The following RDH10 variants were observed in gnomAD, a reference collection of about 807,000 sequenced individuals.
RDH10 encodes retinol dehydrogenase 10 (all-trans).
A neutral mutation model predicts 30.2 loss-of-function variants in RDH10; 12 were observed. The observed-to-expected ratio is 0.40, with a 90% CI of 0.25 to 0.64. The LOEUF (loss-of-function observed/expected upper bound fraction) is 0.64. Ranked by LOEUF, RDH10 falls within the 30% of genes least tolerant of loss-of-function variation. The pLI is 0.43. For synonymous variants in RDH10, 189 were observed against 172.2 expected, an observed-to-expected ratio of 1.10 and a Z score of -0.76; for missense variants, 268 against 445.2, an observed-to-expected ratio of 0.60 and a Z score of 3.58.
At chr8:73,304,312 C>A (rs952163666) in intron 2 of RDH10, among the ~76,000 whole-genome samples, 2 of 152,302 alleles carry the variant, frequency 1.3e-5, no homozygotes, top group Admixed American at 1.3e-4. Flanking sequence ...GTCCCCAAAT[C>A]CTGACTATTT....
chr8:73,320,448 TTTG>T (rs1814746066), intron 3 of RDH10, among the ~76,000 whole-genome samples: 1 of 125,150 alleles, frequency 8.0e-6, no homozygotes, highest in African/African-American at 3.6e-5. Context: ...GTGTTTTTTT[TTTG>T]TTTTTGTTTT....
At chr8:73,295,716 C>A in intron 1 of RDH10, 138 bp downstream of exon 1, 1 of 982,596 alleles carries the variant, frequency 1.0e-6, no homozygotes, top group Non-Finnish European at 1.4e-6. Flanking sequence ...TTTTGGGAGA[C>A]GAGTGGAATT....
chr8:73,300,117 C>T (rs752011223), intron 2 of RDH10, among the ~76,000 whole-genome samples: 16 of 152,098 alleles, frequency 1.1e-4, no homozygotes, highest in Admixed American at 2.6e-4. Flanking sequence ...ATGGGAGGCT[C>T]CTGAATTCTC....
rs2130349691 is a variant in RDH10, at chr8:73,294,969, G to A, written c.-321G>A. Reference sequence around the variant, plus strand: ...AGTTCGAGTAGTCTAACTCGCGGCTGTCACCGCCACTGCAGCGGAGCCGGC... The same window carrying A: ...AGTTCGAGTAGTCTAACTCGCGGCTATCACCGCCACTGCAGCGGAGCCGGC... On this transcript the variant is annotated 5_prime_UTR_variant, in exon 1 of 6. Transcript: ENST00000240285. 2.6e-6 allele frequency: 1 copy of A among 390,698 alleles called. No individual in the cohort carries two copies. Among genetic ancestry groups the A allele is most frequent in the Admixed American group, 4.5e-5 (1 of 22,418 alleles). The allele number at this position is 390,698 out of a possible 1,614,324, so 24.2% of individuals were successfully genotyped here. A position where few individuals can be genotyped will look rare whatever the true frequency, so the allele number is the denominator to read the frequency against.
chr8:73,310,257 ATTCTAAG>A (rs1814540727), intron 2 of RDH10, among the ~76,000 whole-genome samples: 2 of 152,366 alleles, frequency 1.3e-5, no homozygotes, highest in African/African-American at 2.4e-5. Flanking sequence ...TGTTGAGTGA[ATTCTAAG>A]TTCTAACAGT....
intron 4 of RDH10, 186 bp from the exon 5 acceptor site, chr8:73,322,493 G>T: frequency 1.8e-6 from 1 of 559,222 alleles, no homozygotes; most frequent in Non-Finnish European, 3.1e-6. Context: ...TTGTTCTCCA[G>T]ACTGTGCCAA....
chr8:73,306,437 G>T (rs1442494027), intron 2 of RDH10, among the ~76,000 whole-genome samples: 1 of 152,008 alleles, frequency 6.6e-6, no homozygotes. Flanking sequence ...CACCTGTCAG[G>T]GACCATTTTC....
In RDH10 at chr8:73,295,424, C is replaced by T. The variant is rs530198288; in HGVS notation, c.135C>T (p.Gly45=). Residue 45 remains glycine (G), a synonymous_variant, in exon 1 of 6, where the codon GGC becomes GGT. Transcript: ENST00000240285. ...AGGTGTGCCTCATCACCGGCGCCGG[C>T]AGCGGCCTGGGCCGCCTCTTCGCGC... ...AGQVCLITGA[G]SGLGRLFALE... 4 of 1,547,172 alleles carry T rather than the reference C, an allele frequency of 2.6e-6. No individual in the cohort carries two copies. In the African/African-American group the frequency reaches 4.1e-5, roughly 16 times the overall value.
At chr8:73,320,059 T>C (rs940393674) in intron 3 of RDH10, among the ~76,000 whole-genome samples, 1 of 152,254 alleles carries the variant, frequency 6.6e-6, no homozygotes, top group South Asian at 2.1e-4. Flanking sequence ...TTCTATATTC[T>C]GTGCCTTTAG....
At chr8:73,315,156 C>CCCCCTCGCCCTTTT (rs1814637456) in intron 2 of RDH10, among the ~76,000 whole-genome samples, 1 of 127,888 alleles carries the variant, frequency 7.8e-6, no homozygotes. Flanking sequence ...CTCTCTCTCT[C>CCCCCTCGCCCTTTT]TCTCCCCCCA....
chr8:73,323,442 A>G lies in RDH10; in HGVS notation c.*406A>G, dbSNP rs934583797. On this transcript the variant is annotated 3_prime_UTR_variant, in exon 6 of 6. Transcript: ENST00000240285. ...AACTCTAGCCAGTTGACATCTTCGC[A>G]ATTTCAAGGACTGATAGTGCTGTAT... is the stretch of plus-strand genomic sequence containing the variant. The G allele has an allele frequency of 3.6e-5, 6 of 166,360 alleles. 1 individual carries two copies. The highest frequency in any genetic ancestry group is 3.4e-4 in the Admixed American group (6 of 17,858). 10.3% of individuals were successfully genotyped at this position (166,360 alleles called of 1,614,324 possible). A position where few individuals can be genotyped will look rare whatever the true frequency, so the allele number is the denominator to read the frequency against.
intron 1 of RDH10, among the ~76,000 whole-genome samples, chr8:73,296,232 G>T (rs1431928005): frequency 6.6e-6 from 1 of 151,862 alleles, no homozygotes; most frequent in East Asian, 1.9e-4. Context: ...TAACTAACCT[G>T]AATCTGAGTT....
chr8:73,315,677 T>C, intron 2 of RDH10: 1 of 432,864 alleles, frequency 2.3e-6, no homozygotes. Flanking sequence ...TCTGAGTTTC[T>C]AGTCAGAGCC....
intron 2 of RDH10, among the ~76,000 whole-genome samples, chr8:73,306,700 G>A (rs1318362085): frequency 6.6e-6 from 1 of 152,216 alleles, no homozygotes; most frequent in Admixed American, 6.5e-5. Context: ...AAAGATGTGT[G>A]AAAGTGGCAG....
intron 2 of RDH10, among the ~76,000 whole-genome samples, chr8:73,317,536 G>C (rs1391692488): frequency 6.6e-6 from 1 of 152,170 alleles, no homozygotes; most frequent in Non-Finnish European, 1.5e-5. Flanking sequence ...AAAAATTCAT[G>C]TGGCACCTGT....
intron 2 of RDH10, chr8:73,315,749 A>C (rs1814650937): frequency 3.6e-6 from 1 of 275,910 alleles, no homozygotes; most frequent in Non-Finnish European, 7.7e-6. Context: ...CAGGTAACCA[A>C]GTAGCAGGTT....
At chr8:73,320,482 T>A (rs34024132) in intron 3 of RDH10, among the ~76,000 whole-genome samples, 1 of 144,436 alleles carries the variant, frequency 6.9e-6, no homozygotes, top group African/African-American at 2.8e-5. Flanking sequence ...TTTGTTTTTT[T>A]TTTTTTGAGA....
chr8:73,323,160 T>G lies in RDH10; in HGVS notation c.*124T>G. 1 of 808,422 alleles carries G rather than the reference T, an allele frequency of 1.2e-6. No homozygotes were observed. The highest frequency in any genetic ancestry group is 1.9e-6 in the Non-Finnish European group (1 of 514,756). The allele number at this position is 808,422 out of a possible 1,614,324, so 50.1% of individuals were successfully genotyped here. ...TGTGTTGTTTCTTTTTTAAATCAAC[T>G]TTTTAAAAAAATAAAGTGTAAATTA... is the stretch of plus-strand genomic sequence containing the variant. On this transcript the variant is annotated 3_prime_UTR_variant, in exon 6 of 6. Transcript: ENST00000240285.
At chr8:73,297,533 G>T (rs565179664) in intron 2 of RDH10, 104 bp downstream of exon 2, 2 of 785,370 alleles carry the variant, frequency 2.5e-6, no homozygotes, top group Non-Finnish European at 4.5e-6. Context: ...GTACTCTTTC[G>T]CCACAAGGTC....
Sources: gnomAD v4.1 joint callset for allele counts (sites outside exome capture counted in the v4.1 genomes callset) on GRCh38, gnomAD v4.1.1 for gene constraint, MANE v1.5 for transcripts, NCBI Gene and HGNC (gene_info 2026-07-23, HGNC 2026-07-21) for gene names.